Variants in NCKAP5 observed in about 807,000 individuals in gnomAD.
NCKAP5 encodes the protein nck-associated protein 5.
A neutral mutation model predicts 167.0 loss-of-function variants in NCKAP5; 92 were observed. The observed-to-expected ratio is 0.55, with a 90% CI of 0.47 to 0.66. The LOEUF is 0.66. NCKAP5 is among the 30% of genes least tolerant of loss of function. NCKAP5 has a pLI of 0.00. For synonymous variants in NCKAP5, 891 were observed against 877.4 expected (o/e 1.02, Z -0.27); for missense variants, 2,378 against 2,315.0 (o/e 1.03, Z -0.56).
chr2:133,096,185 C>T (rs958388168), intron 6 of NCKAP5, among the ~76,000 whole-genome samples: 1 of 152,036 alleles, frequency 6.6e-6, no homozygotes, highest in African/African-American at 2.4e-5. Flanking sequence ...GTTGGCAAAC[C>T]TGATATAAAA....
chr2:133,170,116 T>C (rs1349130754), intron 5 of NCKAP5, among the ~76,000 whole-genome samples: 1 of 152,202 alleles, frequency 6.6e-6, no homozygotes, highest in African/African-American at 2.4e-5. Context: ...AGCAATACTC[T>C]TTAAAATGGC....
chr2:133,379,658 A>C (rs1686383393), intron 3 of NCKAP5, among the ~76,000 whole-genome samples: 1 of 152,210 alleles, frequency 6.6e-6, no homozygotes, highest in South Asian at 2.1e-4. Context: ...TGGTACAGAC[A>C]GGTGCTCAAT....
the NCKAP5 span, among the ~76,000 whole-genome samples, chr2:133,639,300 C>T: frequency 6.6e-6 from 1 of 152,310 alleles, no homozygotes; most frequent in African/African-American, 2.4e-5. Flanking sequence ...TACAATCCAG[C>T]AACTCTATTT....
chr2:133,492,456 A>G (rs1451190371), intron 3 of NCKAP5, among the ~76,000 whole-genome samples: 1 of 152,178 alleles, frequency 6.6e-6, no homozygotes, highest in Non-Finnish European at 1.5e-5. Flanking sequence ...TCTATTTCAT[A>G]GCACCTTATA....
chr2:133,009,259 C>T (rs1343003973), intron 6 of NCKAP5, among the ~76,000 whole-genome samples: 1 of 152,164 alleles, frequency 6.6e-6, no homozygotes, highest in Non-Finnish European at 1.5e-5. Flanking sequence ...GGCATGGTTA[C>T]ATACGAACAA....
intron 8 of NCKAP5, among the ~76,000 whole-genome samples, chr2:132,884,510 C>T (rs1692058157): frequency 6.6e-6 from 1 of 152,220 alleles, no homozygotes. Flanking sequence ...TAGCAAGTCA[C>T]TTACCATTGC....
intron 11 of NCKAP5, among the ~76,000 whole-genome samples, chr2:132,812,118 TG>T (rs1295327108): frequency 6.6e-6 from 1 of 152,124 alleles, no homozygotes; most frequent in Non-Finnish European, 1.5e-5. Context: ...TCACAGTATT[TG>T]GGGCATCTCC....
At chr2:133,567,156 G>A (rs13426165) in intron 1 of NCKAP5, among the ~76,000 whole-genome samples, 3,882 of 152,282 alleles carry the variant, frequency 0.025, 152 homozygotes, top group African/African-American at 0.086. Flanking sequence ...TCCGTGCAGC[G>A]GGCTGGGCTG....
chr2:132,936,926 A>G (rs1696897310), intron 8 of NCKAP5, among the ~76,000 whole-genome samples: 1 of 152,238 alleles, frequency 6.6e-6, no homozygotes, highest in Admixed American at 6.5e-5. Context: ...AATTTTTACC[A>G]GCTTCCTCAT....
chr2:132,896,149 CAAACAAAAACAAAA>C (rs1351882796), intron 8 of NCKAP5, among the ~76,000 whole-genome samples: 6 of 152,076 alleles, frequency 3.9e-5, no homozygotes, highest in Admixed American at 6.6e-5. Flanking sequence ...AACAAGCAAA[CAAACAAAAACAAAA>C]AAACAAAAAC....
intron 15 of NCKAP5, among the ~76,000 whole-genome samples, chr2:132,779,334 C>T (rs1238965531): frequency 1.3e-5 from 2 of 152,126 alleles, no homozygotes; most frequent in Non-Finnish European, 2.9e-5. Flanking sequence ...CCTAGGCTGT[C>T]AGGACCATAT....
intron 3 of NCKAP5, among the ~76,000 whole-genome samples, chr2:133,494,395 G>A (rs1396994147): frequency 6.6e-6 from 1 of 151,986 alleles, no homozygotes; most frequent in Non-Finnish European, 1.5e-5. Flanking sequence ...CATTGCCTCA[G>A]CTCCACCTTT....
At chr2:132,748,378 T>A (rs1679826204) in intron 16 of NCKAP5, among the ~76,000 whole-genome samples, 1 of 152,228 alleles carries the variant, frequency 6.6e-6, no homozygotes, top group Non-Finnish European at 1.5e-5. Context: ...GCAGGGAAGA[T>A]TGCCATGACC....
chr2:132,746,998 G>A (rs1679701877), intron 16 of NCKAP5, among the ~76,000 whole-genome samples: 1 of 152,136 alleles, frequency 6.6e-6, no homozygotes, highest in Admixed American at 6.6e-5. Context: ...TAAAAGGCGT[G>A]AAGGAGTATT....
chr2:132,753,672 G>A (rs967783778), intron 16 of NCKAP5, among the ~76,000 whole-genome samples: 1 of 152,206 alleles, frequency 6.6e-6, no homozygotes, highest in East Asian at 1.9e-4. Context: ...CAGCAGCAGG[G>A]AGAAAGCAAG....
rs936193874 is a variant in NCKAP5 at position 132,671,988 on chromosome 2, A to C, written c.*1301T>G. On this transcript the variant is annotated 3_prime_UTR_variant, in exon 20 of 20. Transcript: ENST00000409261. Reference sequence around the variant, plus strand: ...GTGCTAAAGTAGCCATATAGATCCTAAAAATATTTCTATTGGGCCTAGTTT... The same window carrying C: ...GTGCTAAAGTAGCCATATAGATCCTCAAAATATTTCTATTGGGCCTAGTTT... 1 of 152,670 alleles carries C rather than the reference A, an allele frequency of 6.6e-6. No individual in the cohort carries two copies. The highest frequency in any genetic ancestry group is 1.5e-5 in the Non-Finnish European group (1 of 68,050). 9.5% of individuals were successfully genotyped at this position (152,670 alleles called of 1,614,324 possible).
At chr2:132,895,313 G>A (rs1412734356) in intron 8 of NCKAP5, among the ~76,000 whole-genome samples, 2 of 145,932 alleles carry the variant, frequency 1.4e-5, no homozygotes, top group Non-Finnish European at 3.0e-5. Context: ...CCTGGAGACT[G>A]GAGTCTTTGA....
intron 3 of NCKAP5, among the ~76,000 whole-genome samples, chr2:133,357,845 GGCCTGACCTAAAC>G (rs1684843544): frequency 6.6e-6 from 1 of 152,296 alleles, no homozygotes; most frequent in African/African-American, 2.4e-5. Context: ...TGGCATAAAA[GGCCTGACCTAAAC>G]TGTGTTCCTT....
chr2:133,232,809 G>C (rs1367990156), intron 4 of NCKAP5, among the ~76,000 whole-genome samples: 1 of 152,136 alleles, frequency 6.6e-6, no homozygotes, highest in African/African-American at 2.4e-5. Flanking sequence ...CTGACTACAA[G>C]AGAATTTCAT....
Sources: allele counts gnomAD v4.1 joint callset (sites outside exome capture counted in the v4.1 genomes callset), GRCh38; gene constraint gnomAD v4.1.1; transcripts MANE v1.5; gene names NCBI Gene and HGNC (gene_info 2026-07-23, HGNC 2026-07-21).